UST: variants seen among roughly 807,000 people sequenced by gnomAD.
UST encodes chondroitin sulfate 2-O-sulfotransferase.
A neutral mutation model predicts 45.6 loss-of-function variants in UST; 21 were observed. The ratio of observed to expected loss-of-function variants is 0.46; its 90% CI spans 0.33 to 0.66. The LOEUF is 0.66. UST is among the 30% of genes least tolerant of loss of function. UST has a pLI of 0.02. For synonymous variants in UST, 215 were observed against 200.6 expected (o/e 1.07, Z -0.61); for missense variants, 463 against 512.4 (o/e 0.90, Z 0.93).
At chr6:148,835,479 T>C (rs377070388) in intron 1 of UST, among the ~76,000 whole-genome samples, 23 of 152,198 alleles carry the variant, frequency 1.5e-4, no homozygotes, top group African/African-American at 5.1e-4. Flanking sequence ...ATCAAACGTG[T>C]CCCTGGTCCC....
chr6:148,780,764 A>G (rs1036891804), intron 1 of UST, among the ~76,000 whole-genome samples: 1 of 152,146 alleles, frequency 6.6e-6, no homozygotes, highest in Non-Finnish European at 1.5e-5. Flanking sequence ...ACATATGCTT[A>G]CTTAGTGCCT....
intron 2 of UST, among the ~76,000 whole-genome samples, chr6:148,915,607 G>C (rs1779573632): frequency 6.6e-6 from 1 of 152,196 alleles, no homozygotes; most frequent in Non-Finnish European, 1.5e-5. Context: ...GTATTTCAAA[G>C]ACTTTGGGCA....
chr6:148,943,666 T>G (rs760393439), intron 3 of UST, among the ~76,000 whole-genome samples: 12 of 152,186 alleles, frequency 7.9e-5, no homozygotes, highest in Non-Finnish European at 1.6e-4. Flanking sequence ...TTAAGATTCT[T>G]TCCAGCCCTG....
chr6:149,023,871 T>C (rs1051786141), intron 7 of UST, among the ~76,000 whole-genome samples: 13 of 152,246 alleles, frequency 8.5e-5, no homozygotes, highest in Admixed American at 5.2e-4. Context: ...TCAGAAATTA[T>C]GGGCCTTTAT....
chr6:149,022,413 A>G (rs1284211226), intron 7 of UST, among the ~76,000 whole-genome samples: 3 of 152,034 alleles, frequency 2.0e-5, no homozygotes, highest in African/African-American at 4.8e-5. Flanking sequence ...CAGCCTGGCC[A>G]ACACGGAGAA....
At chr6:148,798,312 T>G (rs1297718742) in intron 1 of UST, among the ~76,000 whole-genome samples, 1 of 152,004 alleles carries the variant, frequency 6.6e-6, no homozygotes, top group Non-Finnish European at 1.5e-5. Flanking sequence ...ATTTCATTGA[T>G]TTGTTCTGTT....
At chr6:149,030,980 A>T (rs1408396647) in intron 7 of UST, among the ~76,000 whole-genome samples, 1 of 152,106 alleles carries the variant, frequency 6.6e-6, no homozygotes, top group Non-Finnish European at 1.5e-5. Context: ...AAGCCAAGGC[A>T]GGTGGATCAC....
chr6:149,019,434 G>A (rs1046124206), intron 6 of UST, among the ~76,000 whole-genome samples, 198 bp downstream of exon 6: 8 of 152,112 alleles, frequency 5.3e-5, no homozygotes, highest in Admixed American at 2.0e-4. Context: ...AAAAATCAGG[G>A]TCTGTAGAGG....
chr6:148,993,363 T>G (rs1781390036), intron 5 of UST, among the ~76,000 whole-genome samples: 1 of 141,150 alleles, frequency 7.1e-6, no homozygotes, highest in African/African-American at 2.6e-5. Flanking sequence ...TTCCAAAAGT[T>G]TGGTTACTCT....
At chr6:148,757,239 G>GCTCTCT (rs1321212813) in intron 1 of UST, among the ~76,000 whole-genome samples, 2 of 152,204 alleles carry the variant, frequency 1.3e-5, no homozygotes, top group Non-Finnish European at 2.9e-5. Flanking sequence ...CACTTTTAGA[G>GCTCTCT]CTCTCTCTGT....
At chr6:148,777,796 C>T (rs1440246620) in intron 1 of UST, among the ~76,000 whole-genome samples, 1 of 152,194 alleles carries the variant, frequency 6.6e-6, no homozygotes, top group African/African-American at 2.4e-5. Flanking sequence ...ATCTACCTGC[C>T]TCGGCCTCCG....
At chr6:148,782,439 AC>A (rs533794868) in intron 1 of UST, among the ~76,000 whole-genome samples, 7 of 151,780 alleles carry the variant, frequency 4.6e-5, no homozygotes, top group Non-Finnish European at 8.8e-5. Flanking sequence ...GAACAGATGA[AC>A]AGATGAGGAG....
intron 1 of UST, among the ~76,000 whole-genome samples, chr6:148,875,045 G>A (rs7746094): frequency 0.012 from 1,893 of 152,366 alleles, 32 homozygotes; most frequent in African/African-American, 0.042. Flanking sequence ...AATAAAAGGG[G>A]AAGGATTTAA....
At chr6:148,767,470 T>C (rs940374518) in intron 1 of UST, among the ~76,000 whole-genome samples, 11 of 152,242 alleles carry the variant, frequency 7.2e-5, no homozygotes, top group African/African-American at 2.7e-4. Flanking sequence ...CAACTGGTCT[T>C]AGAGATGAAG....
intron 1 of UST, among the ~76,000 whole-genome samples, chr6:148,816,597 CAA>C (rs1329798230): frequency 2.6e-5 from 4 of 152,124 alleles, no homozygotes; most frequent in East Asian, 1.9e-4. Context: ...CAAAACCCAA[CAA>C]AAGAGTCATG....
intron 1 of UST, among the ~76,000 whole-genome samples, chr6:148,884,356 G>C (rs1254154741): frequency 6.6e-6 from 1 of 152,164 alleles, no homozygotes; most frequent in East Asian, 1.9e-4. Flanking sequence ...TTCTCATAAA[G>C]CTTGTACACT....
chr6:149,058,505 G>T (rs990245707), intron 7 of UST, among the ~76,000 whole-genome samples: 1 of 152,026 alleles, frequency 6.6e-6, no homozygotes, highest in Admixed American at 6.6e-5. Context: ...TAAAGCAAAA[G>T]CAGAGCTTAT....
At chr6:148,903,728 T>A (rs1394685551) in intron 2 of UST, among the ~76,000 whole-genome samples, 2 of 152,176 alleles carry the variant, frequency 1.3e-5, no homozygotes, top group African/African-American at 4.8e-5. Flanking sequence ...GTGACTCTAA[T>A]ATGCAGGTGA....
intron 3 of UST, among the ~76,000 whole-genome samples, chr6:148,945,556 A>G (rs946451201): frequency 6.6e-6 from 1 of 152,322 alleles, no homozygotes. Context: ...TGCCCTAGGT[A>G]TGTTCCTGAG....
Sources: gnomAD v4.1 joint callset for allele counts (sites outside exome capture counted in the v4.1 genomes callset) on GRCh38, gnomAD v4.1.1 for gene constraint, MANE v1.5 for transcripts, NCBI Gene and HGNC (gene_info 2026-07-23, HGNC 2026-07-21) for gene names.